XIRP2: variants seen among roughly 807,000 people sequenced by gnomAD.
XIRP2 encodes xin actin binding repeat containing 2.
In XIRP2, 236 loss-of-function variants were observed where a neutral mutation model predicts 277.0. The ratio of observed to expected loss-of-function variants is 0.85; its 90% confidence interval spans 0.77 to 0.95. XIRP2 has a LOEUF of 0.95. Ranked by LOEUF, XIRP2 falls within the 40% of genes least tolerant of loss-of-function variation. The probability of loss-of-function intolerance (pLI) is 0.00; values close to 1 mark genes in which losing one functional copy is unlikely to be tolerated. For missense variants in XIRP2, 4,640 were observed against 4,157.5 expected (o/e 1.12, Z -3.19); for synonymous variants, 1,490 against 1,416.5 (o/e 1.05, Z -1.17).
At chr2:167,026,143 A>G (rs971376476) in intron 2 of XIRP2, among the ~76,000 whole-genome samples, 4 of 152,108 alleles carry the variant, frequency 2.6e-5, no homozygotes, top group African/African-American at 9.7e-5. Flanking sequence ...GTGCTCCTGT[A>G]TTGGGTGCAT....
At chr2:167,137,756 G>A (rs1408577519) in intron 3 of XIRP2, among the ~76,000 whole-genome samples, 1 of 152,104 alleles carries the variant, frequency 6.6e-6, no homozygotes, top group Non-Finnish European at 1.5e-5. Flanking sequence ...CAAACACAAG[G>A]TGGGAAAATT....
At chr2:166,997,273 A>C (rs575302547) in intron 2 of XIRP2, among the ~76,000 whole-genome samples, 1 of 152,282 alleles carries the variant, frequency 6.6e-6, no homozygotes, top group African/African-American at 2.4e-5. Flanking sequence ...TTAGACTGTC[A>C]TGAACCTTAT....
Position 167,135,962 on chromosome 2 carries a change from G to C in XIRP2, c.462G>C (p.Gly154=), listed in dbSNP as rs1186978750. The change falls in exon 3 of 11, where the codon GGG becomes GGC. Residue 154 remains glycine, a synonymous_variant. Transcript: ENST00000409195. ...CGCCAGCTTTTAAGAGTCACCCTGG[G>C]AGCCAGCTGGAGGATTCTGTGAAAG... ...LCSPAFKSHP[G]SQLEDSVKDS... is the part of the protein sequence containing the mutation. 2.5e-6 allele frequency: 4 copies of C among 1,611,250 alleles called. No individual in the cohort carries two copies. Among genetic ancestry groups the C allele is most frequent in the Non-Finnish European group, 3.4e-6 (4 of 1,178,888 alleles).
chr2:167,077,442 A>G (rs988087504), intron 2 of XIRP2, among the ~76,000 whole-genome samples: 2 of 152,154 alleles, frequency 1.3e-5, no homozygotes, highest in Non-Finnish European at 2.9e-5. Flanking sequence ...AGTTAAAAAA[A>G]AAAGGCAAAA....
At chr2:166,935,231 G>A (rs1368226689) in intron 2 of XIRP2, among the ~76,000 whole-genome samples, 1 of 152,144 alleles carries the variant, frequency 6.6e-6, no homozygotes, top group African/African-American at 2.4e-5. Flanking sequence ...CAGGGAACAG[G>A]TCTGTGATGT....
At position 167,241,886 on chromosome 2, in the gene XIRP2, G is replaced by A. The variant is rs1197888932; in HGVS notation, c.1152G>A (p.Met384Ile). Reference sequence around the variant, plus strand: ...AGATCCTTTATTCTGACAAAGAGATGACAACCCCAGCCAAGCAGATTAAGG... The same window carrying A: ...AGATCCTTTATTCTGACAAAGAGATAACAACCCCAGCCAAGCAGATTAAGG... ...QEKILYSDKE[M>I]TTPAKQIKTE... Residue 384 changes from methionine (M) to isoleucine (I), a missense_variant, in exon 8 of 11, where the codon ATG becomes ATA. Coordinates refer to ENST00000409195, the MANE Select transcript of XIRP2 (RefSeq NM_152381.6). 6.2e-7 allele frequency: 1 copy of A among 1,612,850 alleles called. No individual in the cohort carries two copies. Among genetic ancestry groups the A allele is most frequent in the African/African-American group, 1.3e-5 (1 of 74,798 alleles).
rs1295766287 is a variant in XIRP2 at position 166,903,886 on chromosome 2, G to A, written c.404G>A (p.Gly135Glu). The A allele has an allele frequency of 6.2e-7, 1 of 1,611,690 alleles. No individual in the cohort carries two copies. The highest frequency in any genetic ancestry group is 8.5e-7 in the Non-Finnish European group (1 of 1,178,386). Reference sequence around the variant, plus strand: ...GGAAACAAACCAGCTGAGTACGGTGGAAAGGTAAGGAGCCATTGATTGAGA... The same window carrying A: ...GGAAACAAACCAGCTGAGTACGGTGAAAAGGTAAGGAGCCATTGATTGAGA... ...KSGNKPAEYG[G>E]KEVEIERSLC... The change falls in exon 2 of 11, where the codon GGA becomes GAA. Residue 135 changes from glycine (G) to glutamate (E), a missense_variant. Coordinates refer to ENST00000409195, the MANE Select transcript of XIRP2 (RefSeq NM_152381.6).
chr2:167,020,069 T>C (rs1687938727), intron 2 of XIRP2, among the ~76,000 whole-genome samples: 1 of 152,038 alleles, frequency 6.6e-6, no homozygotes, highest in Non-Finnish European at 1.5e-5. Flanking sequence ...TAATCAAAAC[T>C]TTACACTAAT....
At position 167,239,994 on chromosome 2, in the gene XIRP2, A is replaced by G. The variant is rs760820067; in HGVS notation, c.969+29A>G. 4 of 1,564,522 alleles carry G rather than the reference A, an allele frequency of 2.6e-6. No individual in the cohort carries two copies. The African/African-American group carries it at 4.2e-5, about 16-fold the overall frequency. ...ACTATTTAGAAAGGCAGTACTTTCAAACAGTTTCCAGGACTGTATGGAAAT... is the reference window on the plus strand; with the variant it reads ...ACTATTTAGAAAGGCAGTACTTTCAGACAGTTTCCAGGACTGTATGGAAAT... On this transcript the variant is annotated intron_variant, in intron 6 of 10. Coordinates refer to ENST00000409195, the MANE Select transcript of XIRP2 (RefSeq NM_152381.6).
At chr2:167,220,394 T>G (rs960566304) in intron 5 of XIRP2, among the ~76,000 whole-genome samples, 4 of 152,200 alleles carry the variant, frequency 2.6e-5, no homozygotes, top group Non-Finnish European at 5.9e-5. Flanking sequence ...GTCAATAGTA[T>G]GACAGTATCC....
At chr2:167,128,659 C>T (rs550983038) in intron 2 of XIRP2, among the ~76,000 whole-genome samples, 1 of 152,216 alleles carries the variant, frequency 6.6e-6, no homozygotes, top group South Asian at 2.1e-4. Flanking sequence ...ATCCCGCCAC[C>T]CCCACTTAAT....
At chr2:166,901,932 A>G (rs1328225076) in intron 1 of XIRP2, among the ~76,000 whole-genome samples, 3 of 152,118 alleles carry the variant, frequency 2.0e-5, no homozygotes, top group African/African-American at 7.2e-5. Context: ...GTATAGTATC[A>G]ATATTTGAGT....
chr2:167,180,041 T>C (rs902657665), intron 3 of XIRP2, among the ~76,000 whole-genome samples: 1 of 152,232 alleles, frequency 6.6e-6, no homozygotes, highest in African/African-American at 2.4e-5. Flanking sequence ...TTCAAATCTA[T>C]GTCCATTACA....
Position 167,010,744 on chromosome 2 carries a change from A to C in XIRP2, c.408+106854A>C, listed in dbSNP as rs576567832. ...ATTTGTTTGTATCCTCTTTTATTTC[A>C]TTGAGCAGTGGTTTGTAGTTCTCCT... On this transcript the variant is annotated intron_variant, in intron 2 of 10. Transcript: ENST00000409195. Among the ~76,000 whole-genome samples, 531 of 151,784 alleles carry C rather than the reference A, an allele frequency of 3.5e-3. 6 individuals carry two copies. Among genetic ancestry groups the C allele is most frequent in the African/African-American group, 0.01 (431 of 41,448 alleles).
chr2:167,094,555 C>T (rs1471202640), intron 2 of XIRP2, among the ~76,000 whole-genome samples: 1 of 152,140 alleles, frequency 6.6e-6, no homozygotes, highest in Non-Finnish European at 1.5e-5. Context: ...TTTCCCAACA[C>T]CATTTATTAA....
At chr2:167,163,097 A>G (rs1692418046) in intron 3 of XIRP2, among the ~76,000 whole-genome samples, 2 of 152,154 alleles carry the variant, frequency 1.3e-5, no homozygotes, top group Admixed American at 1.3e-4. Context: ...CAGCTAGGCT[A>G]TTTCTAGTTT....
intron 2 of XIRP2, among the ~76,000 whole-genome samples, chr2:166,950,743 A>AT (rs1440788468): frequency 2.6e-5 from 4 of 152,054 alleles, no homozygotes; most frequent in South Asian, 2.1e-4. Flanking sequence ...TTTCTAAGGC[A>AT]TTTTTTTGAG....
chr2:167,084,119 A>G (rs1388039830), intron 2 of XIRP2, among the ~76,000 whole-genome samples: 1 of 152,196 alleles, frequency 6.6e-6, no homozygotes, highest in African/African-American at 2.4e-5. Context: ...CATCCCATCA[A>G]TACCTAATTT....
chr2:167,018,440 G>T (rs1212905086), intron 2 of XIRP2, among the ~76,000 whole-genome samples: 1 of 151,988 alleles, frequency 6.6e-6, no homozygotes, highest in South Asian at 2.1e-4. Context: ...AATAAAGGGG[G>T]ATAAAGAACA....
Sources: gnomAD v4.1 joint callset for allele counts (sites outside exome capture counted in the v4.1 genomes callset) on GRCh38, gnomAD v4.1.1 for gene constraint, MANE v1.5 for transcripts, NCBI Gene and HGNC (gene_info 2026-07-23, HGNC 2026-07-21) for gene names.